Variants in BBX observed in about 807,000 individuals in gnomAD.
The protein encoded by BBX is BBX high mobility group box domain containing.
In BBX, 30 loss-of-function variants were observed where a neutral mutation model predicts 100.2. That is an observed-to-expected ratio of 0.30 (90% CI 0.22 to 0.41). The LOEUF is 0.41. Among genes scored for constraint, BBX ranks in the 10% least tolerant of loss-of-function variants. BBX has a pLI of 1.00. For synonymous variants in BBX, 376 were observed against 388.1 expected, an observed-to-expected ratio of 0.97 and a Z score of 0.37; for missense variants, 1,023 against 1,129.8, an observed-to-expected ratio of 0.91 and a Z score of 1.35.
intron 2 of BBX, among the ~76,000 whole-genome samples, chr3:107,634,192 G>A (rs1190749698): frequency 6.6e-6 from 1 of 152,152 alleles, no homozygotes. Flanking sequence ...ATGTCTGTGG[G>A]TATGCTTACA....
intron 3 of BBX, chr3:107,659,901 C>T (rs200082492): frequency 1.3e-5 from 5 of 397,262 alleles, no homozygotes; most frequent in East Asian, 2.2e-4. Context: ...ATGACAGATT[C>T]CCTTCGTTGA....
intron 2 of BBX, among the ~76,000 whole-genome samples, chr3:107,635,903 C>T (rs1046457113): frequency 6.6e-6 from 1 of 151,854 alleles, no homozygotes; most frequent in Admixed American, 6.6e-5. Flanking sequence ...GTAGAGATGG[C>T]ATTTCACCAT....
chr3:107,685,639 G>A (rs2059805631), intron 3 of BBX, among the ~76,000 whole-genome samples: 1 of 152,200 alleles, frequency 6.6e-6, no homozygotes, highest in South Asian at 2.1e-4. Context: ...TCTGCTGTAA[G>A]TAATGCCTTA....
intron 2 of BBX, among the ~76,000 whole-genome samples, chr3:107,581,776 G>C (rs1457992847): frequency 6.6e-6 from 1 of 152,080 alleles, no homozygotes; most frequent in East Asian, 1.9e-4. Context: ...AGAATTTATA[G>C]AATTTGTTAA....
chr3:107,735,818 TTC>T (rs2063598285), intron 7 of BBX, among the ~76,000 whole-genome samples: 1 of 152,076 alleles, frequency 6.6e-6, no homozygotes, highest in Non-Finnish European at 1.5e-5. Flanking sequence ...TTTTTCTGTC[TTC>T]TGATCAATTC....
chr3:107,790,411 C>T (rs1004694963), intron 14 of BBX, among the ~76,000 whole-genome samples: 8 of 152,222 alleles, frequency 5.3e-5, no homozygotes, highest in African/African-American at 1.9e-4. Flanking sequence ...CTTGTTCCGA[C>T]CTCTTTCAGT....
At chr3:107,709,134 T>G (rs2061564207) in intron 3 of BBX, among the ~76,000 whole-genome samples, 1 of 152,162 alleles carries the variant, frequency 6.6e-6, no homozygotes, top group African/African-American at 2.4e-5. Context: ...AGCTATTTTT[T>G]TTTAAAAAAG....
chr3:107,619,533 A>G (rs981342684), intron 2 of BBX, among the ~76,000 whole-genome samples: 1 of 151,054 alleles, frequency 6.6e-6, no homozygotes, highest in Non-Finnish European at 1.5e-5. Context: ...ATTTTTGTTT[A>G]CCATTTTTTT....
At chr3:107,529,262 A>T (rs1020077469) in intron 2 of BBX, among the ~76,000 whole-genome samples, 2 of 152,356 alleles carry the variant, frequency 1.3e-5, no homozygotes, top group African/African-American at 4.8e-5. Flanking sequence ...CTTAAGAGGA[A>T]GATGCTTTTC....
intron 15 of BBX, among the ~76,000 whole-genome samples, chr3:107,796,021 G>A (rs938433772): frequency 2.0e-5 from 3 of 152,144 alleles, no homozygotes; most frequent in African/African-American, 7.2e-5. Context: ...TGTTGCCCCT[G>A]GCCAGATCTC....
intron 2 of BBX, among the ~76,000 whole-genome samples, chr3:107,595,914 A>C (rs1281661339): frequency 6.6e-6 from 1 of 152,204 alleles, no homozygotes; most frequent in East Asian, 1.9e-4. Context: ...CAACATAAAT[A>C]GTTGGCTAAC....
At chr3:107,796,917 G>A (rs1010958757) in intron 15 of BBX, among the ~76,000 whole-genome samples, 2 of 152,112 alleles carry the variant, frequency 1.3e-5, no homozygotes, top group Admixed American at 6.5e-5. Flanking sequence ...TTGAAAAGGT[G>A]TTTGGGAGCA....
intron 2 of BBX, among the ~76,000 whole-genome samples, chr3:107,627,872 G>A (rs550339221): frequency 1.3e-5 from 2 of 152,004 alleles, no homozygotes; most frequent in South Asian, 4.2e-4. Flanking sequence ...ATCTGAAAGA[G>A]TTGCTTCTTT....
At chr3:107,642,216 C>T (rs1395352874) in intron 2 of BBX, among the ~76,000 whole-genome samples, 1 of 152,166 alleles carries the variant, frequency 6.6e-6, no homozygotes, top group Admixed American at 6.5e-5. Flanking sequence ...ACACCCAGGA[C>T]AGGGAAGGCT....
chr3:107,672,401 T>A (rs1273223849), intron 3 of BBX, among the ~76,000 whole-genome samples: 1 of 152,006 alleles, frequency 6.6e-6, no homozygotes, highest in Non-Finnish European at 1.5e-5. Flanking sequence ...ATAACATGAC[T>A]GCAGTGTTCA....
At chr3:107,656,451 A>G (rs1194293660) in intron 3 of BBX, among the ~76,000 whole-genome samples, 1 of 152,100 alleles carries the variant, frequency 6.6e-6, no homozygotes, top group Non-Finnish European at 1.5e-5. Context: ...TTTTATAGCA[A>G]TTTTCCCTTT....
chr3:107,530,384 C>CCAAAACAAAA lies in BBX; in HGVS notation c.-84+4014_-84+4023dup, dbSNP rs56337631. On this transcript the variant is annotated intron_variant, in intron 2 of 17. Transcript: ENST00000325805. ...TGGGCGACAGAGCAAGACTCTGTCT[C>CCAAAACAAAA]CAAAACAAAACAAAACAAAACAAAA... Among the ~76,000 whole-genome samples, 404 of 149,924 alleles carry CCAAAACAAAA rather than the reference C, an allele frequency of 2.7e-3. 2 individuals are homozygous for CCAAAACAAAA. Among genetic ancestry groups the CCAAAACAAAA allele is most frequent in the Middle Eastern group, 6.9e-3 (2 of 290 alleles).
At chr3:107,662,730 G>A (rs908304377) in intron 3 of BBX, 8 of 144,704 alleles carry the variant, frequency 5.5e-5, no homozygotes, top group Non-Finnish European at 1.2e-4. Flanking sequence ...TGCTTTTCAC[G>A]TTTGGATATC....
At chr3:107,763,681 T>A (rs960003241) in intron 10 of BBX, among the ~76,000 whole-genome samples, 1 of 152,188 alleles carries the variant, frequency 6.6e-6, no homozygotes, top group Admixed American at 6.5e-5. Context: ...GTTTTCTTTG[T>A]AATCATTTTG....
Sources: allele counts gnomAD v4.1 joint callset (sites outside exome capture counted in the v4.1 genomes callset), GRCh38; gene constraint gnomAD v4.1.1; transcripts MANE v1.5; gene names NCBI Gene and HGNC (gene_info 2026-07-23, HGNC 2026-07-21).